Variants in LRRIQ1 observed in about 807,000 individuals in gnomAD.
LRRIQ1 encodes the protein leucine-rich repeat- and IQ domain-containing protein 1.
Under a neutral mutation model 211.9 loss-of-function variants are expected in LRRIQ1, and 210 were observed. That is an observed-to-expected ratio of 0.99 (90% confidence interval 0.89 to 1.11). LRRIQ1 has a LOEUF of 1.11. LRRIQ1 is among the 50% of genes most tolerant of loss of function. The probability of loss-of-function intolerance (pLI) is 0.00; values close to 1 mark genes in which losing one functional copy is unlikely to be tolerated. For missense variants in LRRIQ1, 2,136 were observed against 1,939.5 expected (o/e 1.10, Z -1.90); for synonymous variants, 699 against 650.1 (o/e 1.08, Z -1.14).
chr12:85,113,637 A>G (rs1887345011), intron 15 of LRRIQ1, among the ~76,000 whole-genome samples: 2 of 152,048 alleles, frequency 1.3e-5, no homozygotes, highest in South Asian at 4.2e-4. Flanking sequence ...CCCTCCGCCA[A>G]GTTTTTCTAT....
chr12:85,217,537 TG>T (rs1894178163), intron 24 of LRRIQ1, among the ~76,000 whole-genome samples: 1 of 121,588 alleles, frequency 8.2e-6, no homozygotes, highest in African/African-American at 3.9e-5. Context: ...TGTGTGTGTG[TG>T]TGTGTGTGTG....
At chr12:85,176,773 A>C (rs1891728914) in intron 24 of LRRIQ1, among the ~76,000 whole-genome samples, 2 of 152,214 alleles carry the variant, frequency 1.3e-5, no homozygotes, top group South Asian at 4.1e-4. Context: ...AAAAAAAATA[A>C]GAATTTTAGA....
the LRRIQ1 span, among the ~76,000 whole-genome samples, chr12:85,270,352 C>T: frequency 6.6e-6 from 1 of 151,962 alleles, no homozygotes; most frequent in Non-Finnish European, 1.5e-5. Context: ...TCCTGAGTCA[C>T]AAAAATCATG....
At chr12:85,235,578 G>A (rs1895137426) in intron 26 of LRRIQ1, among the ~76,000 whole-genome samples, 1 of 152,168 alleles carries the variant, frequency 6.6e-6, no homozygotes, top group Admixed American at 6.6e-5. Context: ...CTTTGATAAG[G>A]CAGTTCTCTT....
chr12:85,065,064 T>G (rs1882286109), intron 8 of LRRIQ1, among the ~76,000 whole-genome samples, 198 bp from the exon 9 acceptor site: 1 of 151,868 alleles, frequency 6.6e-6, no homozygotes, highest in African/African-American at 2.4e-5. Flanking sequence ...CATAGATGAT[T>G]GCAATATTTT....
chr12:85,257,559 T>C (rs1463009713), intron 1 of LRRIQ1, among the ~76,000 whole-genome samples: 1 of 151,622 alleles, frequency 6.6e-6, no homozygotes, highest in African/African-American at 2.4e-5. Context: ...CTTTTGATTA[T>C]CCAGTCAATT....
At chr12:85,167,736 A>T (rs907219082) in intron 24 of LRRIQ1, among the ~76,000 whole-genome samples, 1 of 152,152 alleles carries the variant, frequency 6.6e-6, no homozygotes, top group African/African-American at 2.4e-5. Flanking sequence ...CAGGAACAAT[A>T]CTTTGCATTC....
intron 7 of LRRIQ1, among the ~76,000 whole-genome samples, chr12:85,052,903 TG>T (rs1880502683): frequency 6.6e-6 from 1 of 152,082 alleles, no homozygotes; most frequent in Non-Finnish European, 1.5e-5. Flanking sequence ...ATAATCCAAA[TG>T]GTAAGTATAG....
chr12:85,099,143 T>G (rs1886147947), intron 13 of LRRIQ1, 149 bp downstream of exon 13: 2 of 422,352 alleles, frequency 4.7e-6, no homozygotes, highest in Non-Finnish European at 7.6e-6. Context: ...AAAATAACAT[T>G]ATAGAATTTT....
At chr12:85,183,231 CT>C (rs1780075834) in intron 24 of LRRIQ1, among the ~76,000 whole-genome samples, 1 of 151,936 alleles carries the variant, frequency 6.6e-6, no homozygotes, top group Admixed American at 6.6e-5. Context: ...TCGTGATGTC[CT>C]ATTTGTAGGC....
At chr12:85,120,938 G>T (rs906493607) in intron 15 of LRRIQ1, among the ~76,000 whole-genome samples, 13 of 151,216 alleles carry the variant, frequency 8.6e-5, no homozygotes, top group East Asian at 3.9e-4. Flanking sequence ...TTGTTTTTTT[G>T]TTTGTTTGTT....
chr12:85,133,675 TG>T (rs1260882586), intron 18 of LRRIQ1, among the ~76,000 whole-genome samples: 1 of 152,050 alleles, frequency 6.6e-6, no homozygotes, highest in Non-Finnish European at 1.5e-5. Flanking sequence ...CCAGACATGT[TG>T]GATGGGTAAA....
rs753976209 is a variant in LRRIQ1, at chr12:85,104,067, T to C, written c.3273T>C (p.Asn1091=). The change falls in exon 14 of 27, where the codon AAT becomes AAC. Residue 1091 remains asparagine (N), a synonymous_variant. Coordinates refer to ENST00000393217, the MANE Select transcript of LRRIQ1 (RefSeq NM_001079910.2). ...VSLEKLDVSH[N]CLSDLKSAIK... ...TGGAAAAGCTAGATGTCAGCCACAA[T>C]TGTCTTTCTGGTAAGTTTAGCATAA... 2.9e-5 allele frequency: 45 copies of C among 1,544,728 alleles called. No homozygotes were observed. In the Middle Eastern group the frequency reaches 1.1e-3, roughly 37 times the overall value.
At chr12:85,043,061 G>C (rs1879092324) in intron 3 of LRRIQ1, among the ~76,000 whole-genome samples, 1 of 151,854 alleles carries the variant, frequency 6.6e-6, no homozygotes. Context: ...GTATTGATCG[G>C]GGTTCTCAGT....
the LRRIQ1 span, among the ~76,000 whole-genome samples, chr12:85,269,494 G>A: frequency 6.6e-6 from 1 of 152,030 alleles, no homozygotes; most frequent in African/African-American, 2.4e-5. Context: ...TTGATCTACA[G>A]AGGTATTGGC....
chr12:85,228,529 C>T (rs1894779938), intron 24 of LRRIQ1, among the ~76,000 whole-genome samples: 1 of 152,124 alleles, frequency 6.6e-6, no homozygotes, highest in African/African-American at 2.4e-5. Context: ...CCAAAGCATC[C>T]AGATTTTACG....
At chr12:85,217,020 G>C (rs1053589822) in intron 24 of LRRIQ1, among the ~76,000 whole-genome samples, 2 of 151,946 alleles carry the variant, frequency 1.3e-5, no homozygotes, top group African/African-American at 2.4e-5. Context: ...CATGCAAATT[G>C]TGAAAGTTAT....
At chr12:85,252,827 T>C (rs1401052781) in intron 1 of LRRIQ1, among the ~76,000 whole-genome samples, 2 of 151,988 alleles carry the variant, frequency 1.3e-5, no homozygotes, top group Non-Finnish European at 2.9e-5. Flanking sequence ...TATATGGCCA[T>C]TTGATTCAAC....
intron 11 of LRRIQ1, among the ~76,000 whole-genome samples, chr12:85,078,782 T>G (rs575045401): frequency 6.6e-6 from 1 of 152,286 alleles, no homozygotes; most frequent in Non-Finnish European, 1.5e-5. Flanking sequence ...AGGACCTCTC[T>G]CAAATAACTT....
Sources: allele counts gnomAD v4.1 joint callset (sites outside exome capture counted in the v4.1 genomes callset), GRCh38; gene constraint gnomAD v4.1.1; transcripts MANE v1.5; gene names NCBI Gene and HGNC (gene_info 2026-07-23, HGNC 2026-07-21).